ITGBL1: variants seen among roughly 807,000 people sequenced by gnomAD.
The protein encoded by ITGBL1 is integrin beta-like protein 1.
In ITGBL1, 51 loss-of-function variants were observed where a neutral mutation model predicts 68.5. The ratio of observed to expected loss-of-function variants is 0.74; its 90% CI spans 0.59 to 0.94. ITGBL1 has a LOEUF of 0.94. ITGBL1 is among the 40% of genes least tolerant of loss of function. The pLI, the probability that ITGBL1 is intolerant of heterozygous loss-of-function variation, is 0.00. For missense variants in ITGBL1, 649 were observed against 647.4 expected, an observed-to-expected ratio of 1.00 and a Z score of -0.03; for synonymous variants, 209 against 227.3, an observed-to-expected ratio of 0.92 and a Z score of 0.72.
Position 101,691,667 on chromosome 13 carries a change from G to A in ITGBL1, c.1016-918G>A, listed in dbSNP as rs912821704. 3.9e-5 allele frequency among the ~76,000 whole-genome samples: 6 copies of A among 152,174 alleles called. No individual in the cohort carries two copies. The East Asian group carries it at 5.8e-4, about 15-fold the overall frequency. ...AATTTACTTTCTCATATAGCCTTCCGGTGCTGCATTAGATGTACATTAAGA... is the reference window on the plus strand; with the variant it reads ...AATTTACTTTCTCATATAGCCTTCCAGTGCTGCATTAGATGTACATTAAGA... On this transcript the variant is annotated intron_variant, in intron 7 of 10. Coordinates refer to ENST00000376180, the MANE Select transcript of ITGBL1 (RefSeq NM_004791.3).
intron 8 of ITGBL1, among the ~76,000 whole-genome samples, chr13:101,702,710 A>G (rs1048044222): frequency 2.8e-4 from 43 of 152,220 alleles, no homozygotes; most frequent in Admixed American, 2.6e-4. Flanking sequence ...TGAGCATTTG[A>G]GAAGTTCATA....
chr13:101,625,670 A>G (rs1006366510), intron 7 of ITGBL1, among the ~76,000 whole-genome samples: 1 of 151,680 alleles, frequency 6.6e-6, no homozygotes, highest in African/African-American at 2.4e-5. Flanking sequence ...CTCCTGCTTT[A>G]GCCTCCTGAG....
intron 2 of ITGBL1, among the ~76,000 whole-genome samples, chr13:101,523,391 G>A (rs1034532615): frequency 3.3e-5 from 5 of 152,106 alleles, no homozygotes; most frequent in African/African-American, 7.2e-5. Context: ...GTCCTGGAGC[G>A]TGCAGTTCAC....
rs2049260321 is a variant in ITGBL1, at chr13:101,520,109, A to G, written c.317-47590A>G. ...GTGAGAGGGATTTGCTGCAGATCAC[A>G]TAGAATTTGTACTCAAGTTCCTGTC... On this transcript the variant is annotated intron_variant, in intron 2 of 10. Coordinates refer to ENST00000376180, the MANE Select transcript of ITGBL1 (RefSeq NM_004791.3). Among the ~76,000 whole-genome samples the G allele has an allele frequency of 2.6e-5, 4 of 152,198 alleles. 1 individual carries two copies. The highest frequency in any genetic ancestry group is 2.0e-4 in the Admixed American group (3 of 15,264).
chr13:101,537,697 A>C (rs1440490608), intron 2 of ITGBL1, among the ~76,000 whole-genome samples: 1 of 152,024 alleles, frequency 6.6e-6, no homozygotes, highest in Admixed American at 6.6e-5. Context: ...CAGAGAATTA[A>C]AATTGTCATG....
intron 2 of ITGBL1, among the ~76,000 whole-genome samples, chr13:101,552,827 C>A (rs949302942): frequency 2.6e-5 from 4 of 152,132 alleles, no homozygotes; most frequent in African/African-American, 9.7e-5. Flanking sequence ...ATTGAGTGAT[C>A]ATAACATTTG....
intron 7 of ITGBL1, among the ~76,000 whole-genome samples, chr13:101,640,310 A>C (rs1392864121): frequency 6.6e-6 from 1 of 152,190 alleles, no homozygotes; most frequent in African/African-American, 2.4e-5. Flanking sequence ...ACTCAATGTA[A>C]ATTTTCTTGG....
At chr13:101,606,558 A>G (rs917185817) in intron 7 of ITGBL1, among the ~76,000 whole-genome samples, 1 of 151,346 alleles carries the variant, frequency 6.6e-6, no homozygotes, top group South Asian at 2.1e-4. Flanking sequence ...TAAAGAATAC[A>G]TCATTATTAT....
chr13:101,702,288 T>C (rs1238184416), intron 8 of ITGBL1, among the ~76,000 whole-genome samples: 1 of 152,206 alleles, frequency 6.6e-6, no homozygotes, highest in African/African-American at 2.4e-5. Flanking sequence ...ATCAATTTTA[T>C]TGATCTTTTC....
intron 5 of ITGBL1, among the ~76,000 whole-genome samples, chr13:101,580,952 C>G (rs968238465): frequency 6.6e-6 from 1 of 152,166 alleles, no homozygotes; most frequent in South Asian, 2.1e-4. Context: ...GCGAGGCTCA[C>G]AGCTTCTGAG....
At chr13:101,484,520 C>T (rs1485714119) in intron 2 of ITGBL1, among the ~76,000 whole-genome samples, 1 of 152,122 alleles carries the variant, frequency 6.6e-6, no homozygotes, top group Non-Finnish European at 1.5e-5. Context: ...AGCAGATTCA[C>T]ATCACAGAAG....
At chr13:101,642,239 T>C (rs2032406050) in intron 7 of ITGBL1, among the ~76,000 whole-genome samples, 1 of 152,158 alleles carries the variant, frequency 6.6e-6, no homozygotes, top group Admixed American at 6.5e-5. Context: ...TTCCTGACTT[T>C]TTAATGATTG....
intron 7 of ITGBL1, among the ~76,000 whole-genome samples, chr13:101,649,898 C>G (rs1402103927): frequency 6.6e-6 from 1 of 152,168 alleles, no homozygotes; most frequent in African/African-American, 2.4e-5. Context: ...TTTCAAGAAG[C>G]TCTCAGGGCT....
At chr13:101,650,089 A>T (rs2032696011) in intron 7 of ITGBL1, among the ~76,000 whole-genome samples, 1 of 152,164 alleles carries the variant, frequency 6.6e-6, no homozygotes, top group Admixed American at 6.5e-5. Context: ...TTTTCTGAAA[A>T]TGCATTGTCC....
intron 7 of ITGBL1, among the ~76,000 whole-genome samples, chr13:101,624,741 T>C (rs1175036264): frequency 6.6e-6 from 1 of 152,176 alleles, no homozygotes; most frequent in Non-Finnish European, 1.5e-5. Flanking sequence ...CACCCACAGA[T>C]TCCCTTTGTT....
intron 7 of ITGBL1, among the ~76,000 whole-genome samples, chr13:101,607,558 A>G (rs887437302): frequency 6.6e-6 from 1 of 151,998 alleles, no homozygotes; most frequent in African/African-American, 2.4e-5. Context: ...TTGCAGCAGG[A>G]TTCATGTACA....
intron 7 of ITGBL1, among the ~76,000 whole-genome samples, chr13:101,674,744 T>G (rs1400279943): frequency 6.6e-6 from 1 of 152,118 alleles, no homozygotes; most frequent in Non-Finnish European, 1.5e-5. Flanking sequence ...TGTAACCTCC[T>G]TTTCCTAATG....
rs1297768665 is a variant in ITGBL1, at chr13:101,692,635, G to A, written c.1066G>A (p.Val356Met). ...CTCYPPGDRR[V>M]YGKTCECDDR... ...CTGCTATCCTCCAGGAGATCGCCGG[G>A]TGTATGGCAAGACTTGTGAGTGTGA... Residue 356 changes from valine to methionine, a missense_variant, in exon 8 of 11, where the codon GTG becomes ATG. Val to Met is a conservative substitution (Grantham distance 21). Coordinates refer to ENST00000376180, the MANE Select transcript of ITGBL1 (RefSeq NM_004791.3). 1.2e-6 allele frequency: 2 copies of A among 1,613,900 alleles called. No homozygotes were observed. The highest frequency in any genetic ancestry group is 1.7e-6 in the Non-Finnish European group (2 of 1,179,852).
intron 2 of ITGBL1, among the ~76,000 whole-genome samples, chr13:101,561,849 A>G (rs2139237208): frequency 6.6e-6 from 1 of 151,996 alleles, no homozygotes; most frequent in East Asian, 1.9e-4. Context: ...GACAAAAGGA[A>G]TGTGATACTT....
Sources: gnomAD v4.1 joint callset for allele counts (sites outside exome capture counted in the v4.1 genomes callset) on GRCh38, gnomAD v4.1.1 for gene constraint, MANE v1.5 for transcripts, NCBI Gene and HGNC (gene_info 2026-07-23, HGNC 2026-07-21) for gene names.